Variants in HMCN1 observed in about 807,000 individuals in gnomAD.
The protein encoded by HMCN1 is hemicentin-1.
Under a neutral mutation model 625.9 loss-of-function variants are expected in HMCN1, and 321 were observed. The ratio of observed to expected loss-of-function variants is 0.51; its 90% confidence interval spans 0.47 to 0.56. The LOEUF is 0.56. Among genes scored for constraint, HMCN1 ranks in the 20% least tolerant of loss-of-function variants. The pLI, the probability that HMCN1 is intolerant of heterozygous loss-of-function variation, is 0.00. For missense variants in HMCN1, 6,588 were observed against 6,887.3 expected, an observed-to-expected ratio of 0.96 and a Z score of 1.54; for synonymous variants, 2,425 against 2,417.6, an observed-to-expected ratio of 1.00 and a Z score of -0.09.
chr1:185,989,984 G>A (rs1340970308), intron 21 of HMCN1, among the ~76,000 whole-genome samples: 1 of 152,036 alleles, frequency 6.6e-6, no homozygotes, highest in Non-Finnish European at 1.5e-5. Context: ...GCTATGTCTT[G>A]GGTAGGAGTC....
At position 186,097,631 on chromosome 1, in the gene HMCN1, C is replaced by T. The variant is rs907048314; in HGVS notation, c.10573+2110C>T. On this transcript the variant is annotated intron_variant, in intron 68 of 106. Coordinates refer to ENST00000271588, the MANE Select transcript of HMCN1 (RefSeq NM_031935.3). ...AATACTATTAAAATGGCTATACTCC[C>T]AAAACAATCAGATTCAATGCAATTT... Among the ~76,000 whole-genome samples the T allele has an allele frequency of 3.3e-5, 5 of 151,874 alleles. No individual in the cohort carries two copies. In the South Asian group the frequency reaches 8.3e-4, roughly 25 times the overall value.
At chr1:185,769,996 C>T (rs1014228787) in intron 1 of HMCN1, among the ~76,000 whole-genome samples, 1 of 152,110 alleles carries the variant, frequency 6.6e-6, no homozygotes, top group Non-Finnish European at 1.5e-5. Flanking sequence ...AGTCCAGAGT[C>T]AAAGGGAGGG....
At position 186,130,050 on chromosome 1, in the gene HMCN1, C is replaced by T; in HGVS notation, c.12989C>T (p.Ala4330Val). Residue 4330 changes from alanine to valine, a missense_variant, in exon 84 of 107, where the codon GCA becomes GTA. Physicochemically the swap from Ala to Val is moderately conservative, Grantham distance 64. Around this residue, in one of 3 missense-constraint regions of HMCN1, gnomAD observed 1,954 missense variants for 2,013.1 expected, o/e 0.97. Transcript: ENST00000271588. ...KEDSGTYVCT[A>V]ENSVGFVKAI... Reference sequence around the variant, plus strand: ...GATTCAGGTACTTATGTGTGCACCGCAGAGAACAGCGTTGGCTTTGTGAAG... The same window carrying T: ...GATTCAGGTACTTATGTGTGCACCGTAGAGAACAGCGTTGGCTTTGTGAAG... 1 of 1,613,264 alleles carries T rather than the reference C, an allele frequency of 6.2e-7. No individual in the cohort carries two copies. The highest frequency in any genetic ancestry group is 8.5e-7 in the Non-Finnish European group (1 of 1,179,448).
At chr1:185,737,652 G>A (rs1653685872) in intron 1 of HMCN1, among the ~76,000 whole-genome samples, 7 of 152,060 alleles carry the variant, frequency 4.6e-5, no homozygotes, top group Admixed American at 4.6e-4. Context: ...CTATGGTTGG[G>A]TGACACAACC....
chr1:185,824,537 G>A (rs906697331), intron 1 of HMCN1, among the ~76,000 whole-genome samples: 1 of 152,100 alleles, frequency 6.6e-6, no homozygotes, highest in African/African-American at 2.4e-5. Flanking sequence ...AATATCCTAC[G>A]CTAAGCTCTG....
intron 14 of HMCN1, among the ~76,000 whole-genome samples, chr1:185,967,208 A>G (rs1650467723): frequency 6.6e-6 from 1 of 152,170 alleles, no homozygotes; most frequent in Non-Finnish European, 1.5e-5. Context: ...TGGAAATGCC[A>G]ACTTCTATAT....
intron 100 of HMCN1, among the ~76,000 whole-genome samples, chr1:186,169,674 A>G (rs921931043): frequency 6.6e-6 from 1 of 152,218 alleles, no homozygotes; most frequent in Admixed American, 6.5e-5. Flanking sequence ...TTATACAGAA[A>G]TTAACTCAAG....
At chr1:186,022,874 T>C (rs934550962) in intron 35 of HMCN1, among the ~76,000 whole-genome samples, 156 bp from the exon 36 acceptor site, 1 of 152,168 alleles carries the variant, frequency 6.6e-6, no homozygotes. Flanking sequence ...TGCATGATGA[T>C]GTGAACTCGC....
intron 30 of HMCN1, among the ~76,000 whole-genome samples, chr1:186,011,974 T>C (rs889814131): frequency 1.3e-5 from 2 of 152,152 alleles, no homozygotes; most frequent in African/African-American, 4.8e-5. Flanking sequence ...ACAATGAAAC[T>C]TCATCACCAC....
chr1:186,108,713 C>G, intron 71 of HMCN1, 116 bp downstream of exon 71: 1 of 1,188,876 alleles, frequency 8.4e-7, no homozygotes, highest in South Asian at 1.3e-5. Flanking sequence ...ACTAATTATT[C>G]AACATTGCAG....
chr1:185,975,141 A>G, intron 15 of HMCN1, among the ~76,000 whole-genome samples: 1 of 152,070 alleles, frequency 6.6e-6, no homozygotes, highest in Non-Finnish European at 1.5e-5. Flanking sequence ...CTTAACTTCC[A>G]TTTTTCAGAA....
At chr1:186,024,296 C>T (rs1470415987) in intron 36 of HMCN1, among the ~76,000 whole-genome samples, 3 of 152,146 alleles carry the variant, frequency 2.0e-5, no homozygotes, top group East Asian at 1.9e-4. Flanking sequence ...GCATTTGCCT[C>T]GTTCCCCATA....
chr1:185,832,068 G>C (rs1660896497), intron 1 of HMCN1, among the ~76,000 whole-genome samples: 1 of 152,156 alleles, frequency 6.6e-6, no homozygotes, highest in Non-Finnish European at 1.5e-5. Flanking sequence ...GGCTGAGGCA[G>C]GTGGATCTCT....
intron 8 of HMCN1, among the ~76,000 whole-genome samples, chr1:185,924,265 C>T (rs966399443): frequency 9.1e-6 from 1 of 109,626 alleles, no homozygotes; most frequent in Non-Finnish European, 1.7e-5. Flanking sequence ...GAGTCTCGCT[C>T]TGTTGCCCAG....
In HMCN1 at chr1:185,921,217, G is replaced by A. The variant is rs76082601; in HGVS notation, c.901-1162G>A. Among the ~76,000 whole-genome samples the A allele has an allele frequency of 3.7e-4, 56 of 152,266 alleles. No homozygotes were observed. In the East Asian group the frequency reaches 9.8e-3, roughly 27 times the overall value. The stretch of plus-strand genomic sequence containing the variant: ...CATAGTAACTAGCTGCATCATTTAT[G>A]CTAAGAATATAGCAACAGCTTTCAT... On this transcript the variant is annotated intron_variant, in intron 6 of 106. Coordinates refer to ENST00000271588, the MANE Select transcript of HMCN1 (RefSeq NM_031935.3).
At chr1:186,188,648 A>AATAG in intron 106 of HMCN1, among the ~76,000 whole-genome samples, 1 of 152,160 alleles carries the variant, frequency 6.6e-6, no homozygotes, top group South Asian at 2.1e-4. Flanking sequence ...AGGCCCTGCT[A>AATAG]ATAGGAAGGT....
At chr1:186,141,720 A>G (rs897143627) in intron 89 of HMCN1, among the ~76,000 whole-genome samples, 2 of 152,196 alleles carry the variant, frequency 1.3e-5, no homozygotes, top group African/African-American at 2.4e-5. Context: ...CTTTTCTTCT[A>G]TGAACTCATT....
chr1:185,768,818 A>G (rs760325649), intron 1 of HMCN1, among the ~76,000 whole-genome samples: 1 of 152,194 alleles, frequency 6.6e-6, no homozygotes, highest in Non-Finnish European at 1.5e-5. Context: ...TAATAAAAGA[A>G]TGGGCCTGGA....
chr1:186,022,059 G>A (rs1286865914), intron 35 of HMCN1, among the ~76,000 whole-genome samples: 1 of 151,984 alleles, frequency 6.6e-6, no homozygotes, highest in Non-Finnish European at 1.5e-5. Flanking sequence ...GTAGACTTTA[G>A]AAATACAAGG....
Sources: allele counts gnomAD v4.1 joint callset (sites outside exome capture counted in the v4.1 genomes callset), GRCh38; gene constraint gnomAD v4.1.1; regional missense constraint gnomAD v4.1.1; transcripts MANE v1.5; gene names NCBI Gene and HGNC (gene_info 2026-07-23, HGNC 2026-07-21).